Variants in AVL9 observed in about 807,000 individuals in gnomAD.
The protein encoded by AVL9 is late secretory pathway protein AVL9 homolog.
AVL9 carries 49 observed loss-of-function variants against 79.2 expected under a neutral mutation model. That is an observed-to-expected ratio of 0.62 (90% CI 0.49 to 0.79). AVL9 has a LOEUF of 0.79. Ranked by LOEUF, AVL9 falls within the 30% of genes least tolerant of loss-of-function variation. The pLI, the probability that AVL9 is intolerant of heterozygous loss-of-function variation, is 0.00. For synonymous variants in AVL9, 299 were observed against 280.6 expected (o/e 1.07, Z -0.65); for missense variants, 682 against 776.8 (o/e 0.88, Z 1.45).
In AVL9 at chr7:32,565,780, G is replaced by A. The variant is rs192180613; in HGVS notation, c.1216-4240G>A. On this transcript the variant is annotated intron_variant, in intron 10 of 15. Transcript: ENST00000318709. ...CCCAGCACTTTGGGAGGCCGAGGCG[G>A]GCACATCATCTGAGGTCAAGAGATC... Among the ~76,000 whole-genome samples, 181 of 152,178 alleles carry A rather than the reference G, an allele frequency of 1.2e-3. 6 individuals are homozygous for A. The East Asian group carries it at 0.032, about 27-fold the overall frequency.
At chr7:32,552,761 C>G (rs1039303933) in intron 6 of AVL9, among the ~76,000 whole-genome samples, 2 of 151,896 alleles carry the variant, frequency 1.3e-5, no homozygotes, top group East Asian at 3.9e-4. Context: ...GACAAGGTGT[C>G]CCTATGGTGC....
At chr7:32,565,701 TAAGTA>T (rs923354790) in intron 10 of AVL9, among the ~76,000 whole-genome samples, 8 of 151,710 alleles carry the variant, frequency 5.3e-5, no homozygotes, top group Non-Finnish European at 1.2e-4. Flanking sequence ...TCAGCTCTAC[TAAGTA>T]AAGTCAAAAA....
intron 11 of AVL9, 85 bp from the exon 12 acceptor site, chr7:32,573,113 CA>C (rs1433096481): frequency 1.9e-6 from 2 of 1,027,488 alleles, no homozygotes; most frequent in Non-Finnish European, 2.9e-6. Flanking sequence ...TTTCCAGCTC[CA>C]CCTTCCCCGT....
chr7:32,529,669 A>G (rs1254816238), intron 1 of AVL9, among the ~76,000 whole-genome samples: 1 of 152,248 alleles, frequency 6.6e-6, no homozygotes, highest in African/African-American at 2.4e-5. Flanking sequence ...AGGCCCATGC[A>G]TTTGAACACT....
chr7:32,580,934 A>G (rs760053902), intron 15 of AVL9, 44 bp downstream of exon 15: 35 of 1,374,816 alleles, frequency 2.5e-5, no homozygotes, highest in Admixed American at 3.5e-5. Context: ...ATCACAACAC[A>G]TCCATTTTCT....
intron 10 of AVL9, among the ~76,000 whole-genome samples, chr7:32,564,877 T>C (rs1386747724): frequency 1.3e-5 from 2 of 152,134 alleles, no homozygotes; most frequent in South Asian, 2.1e-4. Context: ...AGAGGATGAT[T>C]TGTGCCTGTG....
At position 32,552,469 on chromosome 7, in the gene AVL9, G is replaced by A. The variant is rs141680119; in HGVS notation, c.529+174G>A. 3.9e-3 allele frequency among the ~76,000 whole-genome samples: 593 copies of A among 151,490 alleles called. 7 individuals carry two copies. The highest frequency in any genetic ancestry group is 3.0e-3 in the Non-Finnish European group (204 of 67,966). Reference sequence around the variant, plus strand: ...TCTTAGCCAGTGTTTATACTGAGAAGAGTATTAGAACATACCAGGTTTACA... The same window carrying A: ...TCTTAGCCAGTGTTTATACTGAGAAAAGTATTAGAACATACCAGGTTTACA... On this transcript the variant is annotated intron_variant, in intron 6 of 15. Transcript: ENST00000318709.
intron 1 of AVL9, among the ~76,000 whole-genome samples, chr7:32,506,659 T>C (rs1175213540): frequency 6.6e-6 from 1 of 151,780 alleles, no homozygotes; most frequent in Non-Finnish European, 1.5e-5. Flanking sequence ...ACACCTGTAA[T>C]CCCAGCACTT....
intron 4 of AVL9, among the ~76,000 whole-genome samples, chr7:32,551,009 C>A (rs1789789483): frequency 6.6e-6 from 1 of 152,066 alleles, no homozygotes; most frequent in Admixed American, 6.6e-5. Context: ...GTAAGAGGTA[C>A]TATTTTCATA....
At chr7:32,581,955 A>G (rs1791529208) in intron 15 of AVL9, among the ~76,000 whole-genome samples, 1 of 152,236 alleles carries the variant, frequency 6.6e-6, no homozygotes, top group Non-Finnish European at 1.5e-5. Context: ...AAATCTTTAA[A>G]TAAGGTAATA....
intron 11 of AVL9, among the ~76,000 whole-genome samples, chr7:32,572,847 A>G (rs1288835970): frequency 6.6e-6 from 1 of 151,772 alleles, no homozygotes; most frequent in South Asian, 2.1e-4. Flanking sequence ...CACGCAAAAG[A>G]AAAAGTATTT....
chr7:32,573,312 GGATGACGTCTTCCTA>G lies in AVL9; in HGVS notation c.1469_1483del (p.Asp490_Asp494del). On this transcript the variant is annotated inframe_deletion, in exon 12 of 16. Transcript: ENST00000318709. The stretch of plus-strand genomic sequence containing the variant: ...TAGTGAGGCACGTGACTGAGAATCG[GGATGACGTCTTCCTA>G]GATGGCACGGGCTGGGAGGGAGGTG... 10 of 1,613,744 alleles carry G rather than the reference GGATGACGTCTTCCTA, an allele frequency of 6.2e-6. No individual in the cohort carries two copies. The highest frequency in any genetic ancestry group is 8.5e-6 in the Non-Finnish European group (10 of 1,179,976).
intron 11 of AVL9, among the ~76,000 whole-genome samples, chr7:32,570,688 C>T (rs569595765): frequency 9.3e-5 from 14 of 150,928 alleles, no homozygotes; most frequent in South Asian, 2.1e-4. Flanking sequence ...GGCGCGATCT[C>T]GGCTCCATGC....
rs1264301237 is a variant in AVL9 at position 32,558,548 on chromosome 7, C to T, written c.610-11C>T. Reference sequence around the variant, plus strand: ...GGTCTTCTAATTTGATTTTGATTGACTCCATTCCAGGTTCTTTTTTATATT... The same window carrying T: ...GGTCTTCTAATTTGATTTTGATTGATTCCATTCCAGGTTCTTTTTTATATT... On this transcript the variant is annotated splice_polypyrimidine_tract_variant and intron_variant, in intron 8 of 15. Transcript: ENST00000318709. 1 of 1,599,194 alleles carries T rather than the reference C, an allele frequency of 6.3e-7. No homozygotes were observed. The highest frequency in any genetic ancestry group is 1.7e-5 in the Admixed American group (1 of 58,520).
In AVL9 at chr7:32,570,041, A is replaced by T; in HGVS notation, c.1237A>T (p.Met413Leu). ...FTKGYLCLPYMALQQHHLLSD... is the reference protein window; with the variant it reads ...FTKGYLCLPYLALQQHHLLSD... ...ATAGGGATATCTGTGTTTGCCTTAC[A>T]TGGCATTGCAGCAGCATCATCTTCT... Residue 413 changes from methionine (M) to leucine (L), a missense_variant, in exon 11 of 16, where the codon ATG becomes TTG. Physicochemically the swap from Met to Leu is conservative, Grantham distance 15. Transcript: ENST00000318709. 2 of 1,614,188 alleles carry T rather than the reference A, an allele frequency of 1.2e-6. No individual in the cohort carries two copies. The highest frequency in any genetic ancestry group is 8.5e-7 in the Non-Finnish European group (1 of 1,180,020).
At chr7:32,583,721 A>G (rs1463347716) in intron 15 of AVL9, 71 bp from the exon 16 acceptor site, 3 of 896,002 alleles carry the variant, frequency 3.3e-6, no homozygotes, top group South Asian at 1.7e-5. Flanking sequence ...TGTATTAATT[A>G]TGTTGGTCTT....
intron 1 of AVL9, among the ~76,000 whole-genome samples, chr7:32,524,561 G>A (rs2128125587): frequency 9.7e-6 from 1 of 103,382 alleles, no homozygotes; most frequent in Non-Finnish European, 2.4e-5. Flanking sequence ...CACACACAGA[G>A]AGAAAAGAAA....
chr7:32,499,918 A>T (rs1334086567), intron 1 of AVL9, among the ~76,000 whole-genome samples: 1 of 149,524 alleles, frequency 6.7e-6, no homozygotes. Context: ...TCTGCAAAGG[A>T]CATGAACTCA....
At position 32,585,530 on chromosome 7, in the gene AVL9, T is replaced by C. The variant is rs1791737239; in HGVS notation, c.*1623T>C. On this transcript the variant is annotated 3_prime_UTR_variant, in exon 16 of 16. Coordinates refer to ENST00000318709, the MANE Select transcript of AVL9 (RefSeq NM_015060.3). ...TTAGTAACAAGGGATACTTGGGAAA[T>C]ACATTGTGAGTATGATCTATCCCAG... 6.6e-6 allele frequency: 1 copy of C among 152,208 alleles called. No individual in the cohort carries two copies. The highest frequency in any genetic ancestry group is 2.4e-5 in the African/African-American group (1 of 41,452). The allele number at this position is 152,208 out of a possible 1,614,324, so 9.4% of individuals were successfully genotyped here.
Sources: gnomAD v4.1 joint callset for allele counts (sites outside exome capture counted in the v4.1 genomes callset) on GRCh38, gnomAD v4.1.1 for gene constraint, MANE v1.5 for transcripts, NCBI Gene and HGNC (gene_info 2026-07-23, HGNC 2026-07-21) for gene names.